LOC128462377: variants seen among roughly 807,000 people sequenced by gnomAD.
the LOC128462377 span, chr16:89,343,840 C>G: frequency 6.6e-6 from 1 of 152,320 alleles, no homozygotes; most frequent in African/African-American, 2.4e-5. Context: ...GTTTATGCTT[C>G]GCAGGCGGTA....
At chr16:89,351,659 G>A in the LOC128462377 span, among the ~76,000 whole-genome samples, 1 of 152,186 alleles carries the variant, frequency 6.6e-6, no homozygotes, top group Non-Finnish European at 1.5e-5. Flanking sequence ...CCTGGGCGCA[G>A]GTTCGTGTCA....
At chr16:89,332,911 G>C in the LOC128462377 span, among the ~76,000 whole-genome samples, 4 of 152,248 alleles carry the variant, frequency 2.6e-5, no homozygotes, top group East Asian at 7.7e-4. Context: ...AGGGTCCACA[G>C]TTGAGAACGT....
chr16:89,414,122 G>A, the LOC128462377 span, among the ~76,000 whole-genome samples: 1 of 152,176 alleles, frequency 6.6e-6, no homozygotes, highest in African/African-American at 2.4e-5. Context: ...GCGCACGATC[G>A]CACCTGCCTT....
chr16:89,378,563 G>C, the LOC128462377 span, among the ~76,000 whole-genome samples: 1 of 152,310 alleles, frequency 6.6e-6, no homozygotes, highest in Non-Finnish European at 1.5e-5. Context: ...AGATACAGCA[G>C]GCTGGAAATA....
At chr16:89,319,351 C>T in the LOC128462377 span, among the ~76,000 whole-genome samples, 1 of 152,254 alleles carries the variant, frequency 6.6e-6, no homozygotes, top group Non-Finnish European at 1.5e-5. Flanking sequence ...GACCAGGGAT[C>T]TGGGAGTCCA....
At chr16:89,376,337 A>G in the LOC128462377 span, among the ~76,000 whole-genome samples, 6 of 152,244 alleles carry the variant, frequency 3.9e-5, no homozygotes, top group Non-Finnish European at 7.3e-5. Context: ...CAATGTCAAG[A>G]TAACAGGAGA....
At chr16:89,324,466 G>C in the LOC128462377 span, 3 of 457,414 alleles carry the variant, frequency 6.6e-6, no homozygotes, top group South Asian at 3.1e-5. Context: ...GTTTCAACTT[G>C]ACTGGACTAA....
the LOC128462377 span, among the ~76,000 whole-genome samples, chr16:89,363,015 G>A: frequency 6.6e-6 from 1 of 151,722 alleles, no homozygotes; most frequent in Non-Finnish European, 1.5e-5. Context: ...TTTATCCGGT[G>A]TACTCTCGTG....
At chr16:89,384,287 T>G in the LOC128462377 span, among the ~76,000 whole-genome samples, 1 of 152,014 alleles carries the variant, frequency 6.6e-6, no homozygotes. Flanking sequence ...TCCCAGCACT[T>G]TGGGAGACCG....
At chr16:89,346,714 G>A in the LOC128462377 span, among the ~76,000 whole-genome samples, 2 of 152,196 alleles carry the variant, frequency 1.3e-5, no homozygotes, top group African/African-American at 4.8e-5. Flanking sequence ...ATACAGCAAG[G>A]TGGGAGATCC....
chr16:89,415,325 T>C, the LOC128462377 span, among the ~76,000 whole-genome samples: 2 of 139,052 alleles, frequency 1.4e-5, no homozygotes, highest in African/African-American at 5.6e-5. Context: ...AGCGCAGTGG[T>C]GCGATCTCGG....
chr16:89,404,422 T>C, the LOC128462377 span, among the ~76,000 whole-genome samples: 15 of 152,222 alleles, frequency 9.9e-5, no homozygotes, highest in Non-Finnish European at 2.2e-4. Flanking sequence ...CTATTATGTC[T>C]CCTGCTAGGA....
chr16:89,320,727 G>C, the LOC128462377 span, among the ~76,000 whole-genome samples: 1 of 152,248 alleles, frequency 6.6e-6, no homozygotes, highest in Admixed American at 6.5e-5. Flanking sequence ...CCCCGCATCT[G>C]TGCCAAAATA....
At chr16:89,365,398 G>T in the LOC128462377 span, among the ~76,000 whole-genome samples, 1 of 152,154 alleles carries the variant, frequency 6.6e-6, no homozygotes, top group East Asian at 1.9e-4. Flanking sequence ...AGACATCCTT[G>T]GCCACACAAG....
the LOC128462377 span, among the ~76,000 whole-genome samples, chr16:89,328,529 C>T: frequency 6.6e-6 from 1 of 151,852 alleles, no homozygotes. Context: ...TATGGATACA[C>T]CCAAGCGTAT....
At chr16:89,323,202 T>C in the LOC128462377 span, 1 of 783,680 alleles carries the variant, frequency 1.3e-6, no homozygotes, top group East Asian at 6.5e-5. Context: ...GGGAGAGAAG[T>C]CTCCAACGGA....
chr16:89,415,829 C>CAAACAAAAAAAA, the LOC128462377 span, among the ~76,000 whole-genome samples: 9 of 39,744 alleles, frequency 2.3e-4, no homozygotes, highest in African/African-American at 8.4e-4. Flanking sequence ...GACTCTGTCT[C>CAAACAAAAAAAA]AAAAAAAAAA....
At chr16:89,361,158 C>G in the LOC128462377 span, among the ~76,000 whole-genome samples, 1 of 152,306 alleles carries the variant, frequency 6.6e-6, no homozygotes, top group South Asian at 2.1e-4. Flanking sequence ...TTCCTGTAAG[C>G]CTGAAACCCT....
At chr16:89,417,970 T>C in the LOC128462377 span, among the ~76,000 whole-genome samples, 72 of 152,288 alleles carry the variant, frequency 4.7e-4, no homozygotes, top group South Asian at 4.8e-3. Flanking sequence ...CACCAGACCA[T>C]CTGAGGATGA....
Sources: gnomAD v4.1 joint callset for allele counts (sites outside exome capture counted in the v4.1 genomes callset) on GRCh38, gnomAD v4.1.1 for gene constraint, MANE v1.5 for transcripts.